The following TDRD3 variants were observed in gnomAD, a reference collection of about 807,000 sequenced individuals.
TDRD3 encodes the protein tudor domain containing 3.
TDRD3 carries 45 observed loss-of-function variants against 86.7 expected under a neutral mutation model. The ratio of observed to expected loss-of-function variants is 0.52; its 90% CI spans 0.41 to 0.67. The LOEUF is 0.67. TDRD3 is among the 30% of genes least tolerant of loss of function. The pLI is 0.00. For synonymous variants in TDRD3, 298 were observed against 301.7 expected, an observed-to-expected ratio of 0.99 and a Z score of 0.13; for missense variants, 814 against 889.0, an observed-to-expected ratio of 0.92 and a Z score of 1.07.
chr13:60,460,955 A>C (rs962291944), intron 4 of TDRD3: 1 of 152,512 alleles, frequency 6.6e-6, no homozygotes, highest in Non-Finnish European at 1.5e-5. Flanking sequence ...GTGAGCTGAG[A>C]TCATGCCATT....
chr13:60,405,275 A>G (rs1411333336), intron 1 of TDRD3, among the ~76,000 whole-genome samples: 1 of 152,190 alleles, frequency 6.6e-6, no homozygotes, highest in Non-Finnish European at 1.5e-5. Context: ...AGCCTCAACA[A>G]ATAATTCTTA....
chr13:60,458,289 A>G (rs905409883), intron 3 of TDRD3, among the ~76,000 whole-genome samples: 1 of 152,210 alleles, frequency 6.6e-6, no homozygotes, highest in African/African-American at 2.4e-5. Context: ...TTAAAGTGAC[A>G]TGTCCACTTT....
At chr13:60,500,892 A>G (rs1423242306) in intron 8 of TDRD3, among the ~76,000 whole-genome samples, 2 of 152,146 alleles carry the variant, frequency 1.3e-5, no homozygotes, top group African/African-American at 4.8e-5. Flanking sequence ...TTCTGTGGAC[A>G]CCACCTCAAC....
At chr13:60,502,339 TA>T (rs1331870429) in intron 8 of TDRD3, among the ~76,000 whole-genome samples, 1 of 152,158 alleles carries the variant, frequency 6.6e-6, no homozygotes, top group East Asian at 1.9e-4. Flanking sequence ...CAAAATAAAC[TA>T]AAAAACAATT....
intron 4 of TDRD3, among the ~76,000 whole-genome samples, chr13:60,462,527 A>G (rs1955823345): frequency 6.6e-6 from 1 of 152,208 alleles, no homozygotes; most frequent in Admixed American, 6.5e-5. Flanking sequence ...GTTTATAGTT[A>G]TCTTAGAAGG....
At chr13:60,431,113 T>A (rs563747112) in intron 1 of TDRD3, among the ~76,000 whole-genome samples, 2 of 152,154 alleles carry the variant, frequency 1.3e-5, no homozygotes, top group South Asian at 2.1e-4. Context: ...GAGTTTTTTT[T>A]AAACCCTGAG....
At chr13:60,459,358 C>T (rs1566207384) in intron 3 of TDRD3, among the ~76,000 whole-genome samples, 1 of 152,244 alleles carries the variant, frequency 6.6e-6, no homozygotes, top group Non-Finnish European at 1.5e-5. Flanking sequence ...TTTTCAGACA[C>T]GTAAGCAGAT....
intron 11 of TDRD3, among the ~76,000 whole-genome samples, chr13:60,532,930 T>A (rs901938976): frequency 3.3e-5 from 5 of 152,130 alleles, no homozygotes; most frequent in Non-Finnish European, 7.4e-5. Context: ...TGGGTTTATA[T>A]CCCAATAAAC....
At chr13:60,553,601 G>A (rs542553322) in intron 12 of TDRD3, among the ~76,000 whole-genome samples, 53 of 151,368 alleles carry the variant, frequency 3.5e-4, no homozygotes, top group African/African-American at 1.2e-3. Flanking sequence ...TGCATGGCTC[G>A]AGAGGTCTCT....
In TDRD3 at chr13:60,397,272, C is replaced by CTTTTCT; in HGVS notation, c.-89_-88insCTTTTT. On this transcript the variant is annotated 5_prime_UTR_variant, in exon 1 of 14. Coordinates refer to ENST00000377881, the MANE Select transcript of TDRD3 (RefSeq NM_001146070.2). ...CCAGAGGAGTTTTTTCTTTTCTTTT[C>CTTTTCT]TTTTTTTTTTTTTAAGGGGGGGGGT... 6 of 461,970 alleles carry CTTTTCT rather than the reference C, an allele frequency of 1.3e-5. No homozygotes were observed. The East Asian group carries it at 2.4e-4, about 18-fold the overall frequency. The allele number at this position is 461,970 out of a possible 1,614,324, so 28.6% of individuals were successfully genotyped here.
chr13:60,401,706 A>G (rs1419595502), intron 1 of TDRD3, among the ~76,000 whole-genome samples: 1 of 152,118 alleles, frequency 6.6e-6, no homozygotes, highest in African/African-American at 2.4e-5. Context: ...GAGGGCAGAG[A>G]TGGGATGGAG....
chr13:60,510,857 T>C, intron 10 of TDRD3, 102 bp downstream of exon 10: 1 of 1,165,710 alleles, frequency 8.6e-7, no homozygotes, highest in South Asian at 2.0e-5. Flanking sequence ...TATTTAGAAT[T>C]GTAGTGTAAA....
intron 5 of TDRD3, among the ~76,000 whole-genome samples, chr13:60,471,968 C>T (rs1183276359): frequency 6.6e-6 from 1 of 150,500 alleles, no homozygotes; most frequent in Non-Finnish European, 1.5e-5. Flanking sequence ...GAAACACCTT[C>T]AGTCCTTCAC....
chr13:60,447,523 A>G (rs529310289), intron 3 of TDRD3, among the ~76,000 whole-genome samples: 81 of 152,278 alleles, frequency 5.3e-4, no homozygotes, highest in African/African-American at 1.9e-3. Context: ...TTTTATCTTG[A>G]AAGTCTAAGA....
At chr13:60,460,590 A>G (rs1405012954) in intron 4 of TDRD3, 50 bp downstream of exon 4, 13 of 1,463,228 alleles carry the variant, frequency 8.9e-6, no homozygotes, top group South Asian at 1.5e-5. Context: ...TGAAGGTGCT[A>G]TTCAATTGGA....
chr13:60,467,424 T>A (rs1186942590), intron 5 of TDRD3, 45 bp downstream of exon 5: 17 of 1,598,034 alleles, frequency 1.1e-5, no homozygotes, highest in Non-Finnish European at 1.3e-5. Flanking sequence ...TTACACTCTT[T>A]TTTATTGCAT....
At chr13:60,518,602 T>TA (rs1957221266) in intron 10 of TDRD3, among the ~76,000 whole-genome samples, 1 of 152,330 alleles carries the variant, frequency 6.6e-6, no homozygotes, top group African/African-American at 2.4e-5. Flanking sequence ...TTTGACTTTG[T>TA]AAATACATGT....
chr13:60,448,775 T>C (rs1201394055), intron 3 of TDRD3, among the ~76,000 whole-genome samples: 2 of 152,202 alleles, frequency 1.3e-5, no homozygotes, highest in Admixed American at 1.3e-4. Context: ...GAAAAAGTCA[T>C]GATAAAAAGG....
intron 11 of TDRD3, among the ~76,000 whole-genome samples, chr13:60,529,849 A>G (rs1369052942): frequency 6.6e-6 from 1 of 152,140 alleles, no homozygotes; most frequent in African/African-American, 2.4e-5. Flanking sequence ...TGAGGGCAAG[A>G]AAGAGTGCAG....
Sources: gnomAD v4.1 joint callset for allele counts (sites outside exome capture counted in the v4.1 genomes callset) on GRCh38, gnomAD v4.1.1 for gene constraint, MANE v1.5 for transcripts, NCBI Gene and HGNC (gene_info 2026-07-23, HGNC 2026-07-21) for gene names.